RNF212B: variants seen among roughly 807,000 people sequenced by gnomAD.
RNF212B encodes the protein E3 ubiquitin-protein ligase RNF212B.
In RNF212B, 52 loss-of-function variants were observed where a neutral mutation model predicts 55.5. The observed-to-expected ratio is 0.94, with a 90% CI of 0.75 to 1.18. The LOEUF is 1.18. Among genes scored for constraint, RNF212B ranks in the 50% most tolerant of loss-of-function variants. The probability of loss-of-function intolerance (pLI) is 0.00; values close to 1 mark genes in which losing one functional copy is unlikely to be tolerated. For synonymous variants in RNF212B, 99 were observed against 121.4 expected (o/e 0.82, Z 1.21); for missense variants, 289 against 350.4 (o/e 0.82, Z 1.40).
At chr14:23,207,978 T>A (rs1880012887) in intron 2 of RNF212B, among the ~76,000 whole-genome samples, 1 of 152,204 alleles carries the variant, frequency 6.6e-6, no homozygotes. Context: ...TTCTTTTGAG[T>A]TTCTGTTAGC....
At chr14:23,236,847 G>A (rs1013558002), upstream of RNF212B, among the ~76,000 whole-genome samples, 4 of 151,316 alleles carry the variant, frequency 2.6e-5, no homozygotes, top group Non-Finnish European at 5.9e-5. Flanking sequence ...CACAATATAA[G>A]GGGATATAAA....
intron 1 of RNF212B, 42 bp from the exon 2 acceptor site, chr14:23,240,303 A>T (rs761857335): frequency 1.3e-4 from 166 of 1,310,846 alleles, no homozygotes; most frequent in Non-Finnish European, 1.5e-4. Context: ...TAATTATGTT[A>T]TTCTCTAGGT....
chr14:23,257,720 T>C (rs1054906698), intron 4 of RNF212B, among the ~76,000 whole-genome samples: 1 of 152,128 alleles, frequency 6.6e-6, no homozygotes, highest in African/African-American at 2.4e-5. Flanking sequence ...TAGCAAATGG[T>C]AAAGTGAGGC....
rs192481286 is a variant in RNF212B at position 23,256,485 on chromosome 14, C to T, written c.229-2064C>T. 7.1e-3 allele frequency among the ~76,000 whole-genome samples: 1,085 copies of T among 152,044 alleles called. 17 individuals carry two copies. Among genetic ancestry groups the T allele is most frequent in the African/African-American group, 0.025 (1,036 of 41,448 alleles). On this transcript the variant is annotated intron_variant, in intron 4 of 14. Transcript: ENST00000430154. ...CTTCTGGGTTCAAGTGATTCTCCTG[C>T]CTCAGCCTCTCCATTAGCTGGAATT... is the stretch of plus-strand genomic sequence containing the variant.
chr14:23,226,369 G>A lies in RNF212B; in HGVS notation c.-1-13976G>A, dbSNP rs536437490. Among the ~76,000 whole-genome samples the A allele has an allele frequency of 7.9e-5, 12 of 151,590 alleles. No homozygotes were observed. The South Asian group carries it at 2.3e-3, about 29-fold the overall frequency. On this transcript the variant is annotated intron_variant, in intron 2 of 15. Coordinates refer to the RNF212B transcript ENST00000399910. ...CACGGGGCCGGGCGCGGTGGCTCAC[G>A]CCTGTAATCCCAGCACTTTAGGAAG...
rs142028519 is a variant in RNF212B, at chr14:23,210,065, T to G, written c.-2+16664T>G. On this transcript the variant is annotated intron_variant, in intron 2 of 15. Transcript: ENST00000399910. ...ACTGGGGAGGCTGAGGCAGGAAAAT[T>G]GCTTGAACCTGGAAGGTGGAGGTTG... Among the ~76,000 whole-genome samples, 1,486 of 152,200 alleles carry G rather than the reference T, an allele frequency of 9.8e-3. 29 individuals are homozygous for G. The highest frequency in any genetic ancestry group is 0.034 in the African/African-American group (1,411 of 41,518).
intron 14 of RNF212B, chr14:23,272,577 G>C: frequency 2.0e-6 from 1 of 504,118 alleles, no homozygotes; most frequent in Non-Finnish European, 3.5e-6. Flanking sequence ...TTCCAAAATA[G>C]TTTAATTTTC....
intron 7 of RNF212B, among the ~76,000 whole-genome samples, chr14:23,261,983 A>C (rs1246779504): frequency 6.6e-6 from 1 of 151,534 alleles, no homozygotes; most frequent in South Asian, 2.1e-4. Context: ...AAACAAAAAA[A>C]CAGAAAACAA....
rs986457643 is a variant in RNF212B at position 23,268,937 on chromosome 14, G to A, written c.648G>A (p.Pro216=). The part of the protein sequence containing the change: ...PRDSYNETPS[P]ASTHSLSYRT... Reference sequence around the variant, plus strand: ...TATGCTTTCCAGAAACCCCTTCACCGGCTTCAACTCATAGCCTATCTTATA... The same window carrying A: ...TATGCTTTCCAGAAACCCCTTCACCAGCTTCAACTCATAGCCTATCTTATA... The change falls in exon 12 of 15, where the codon CCG becomes CCA. Residue 216 remains proline, a synonymous_variant. Transcript: ENST00000430154. 1.3e-5 allele frequency: 20 copies of A among 1,550,378 alleles called. No homozygotes were observed. The African/African-American group carries it at 1.9e-4, about 15-fold the overall frequency.
In RNF212B at chr14:23,272,918, TG is replaced by T; in HGVS notation, c.*28del. 7.3e-7 allele frequency: 1 copy of T among 1,378,892 alleles called. No individual in the cohort carries two copies. Among genetic ancestry groups the T allele is most frequent in the Non-Finnish European group, 9.9e-7 (1 of 1,005,102 alleles). 85.4% of individuals were successfully genotyped at this position (1,378,892 alleles called of 1,614,324 possible). A position where few individuals can be genotyped will look rare whatever the true frequency, so the allele number is the denominator to read the frequency against. On this transcript the variant is annotated 3_prime_UTR_variant, in exon 15 of 15. Coordinates refer to ENST00000430154, the MANE Select transcript of RNF212B (RefSeq NM_001282322.3). ...TCATCTTCAAGATCTGATCTATACA[TG>T]CTGCTGAAGGATGGACTGTAGCTTC...
At chr14:23,209,240 T>C (rs1238281799) in intron 2 of RNF212B, among the ~76,000 whole-genome samples, 1 of 152,186 alleles carries the variant, frequency 6.6e-6, no homozygotes, top group Non-Finnish European at 1.5e-5. Flanking sequence ...GTAGCCATTT[T>C]GGTTTTGGTG....
intron 2 of RNF212B, among the ~76,000 whole-genome samples, chr14:23,211,208 ACT>A (rs1295555501): frequency 7.6e-6 from 1 of 131,022 alleles, no homozygotes; most frequent in African/African-American, 2.9e-5. Context: ...ACAGAGTGAG[ACT>A]CTGTCTCAAA....
intron 2 of RNF212B, among the ~76,000 whole-genome samples, chr14:23,198,726 G>A (rs190236231): frequency 6.6e-6 from 1 of 152,042 alleles, no homozygotes; most frequent in East Asian, 1.9e-4. Context: ...TAGCTGGTAA[G>A]TCTGTTTCTC....
chr14:23,270,170 C>T (rs897393189), intron 13 of RNF212B, among the ~76,000 whole-genome samples: 3 of 152,168 alleles, frequency 2.0e-5, no homozygotes, highest in Non-Finnish European at 4.4e-5. Context: ...ATCCTGTCAC[C>T]AGTCGAGTCC....
chr14:23,239,014 G>A (rs1020345503), intron 1 of RNF212B, among the ~76,000 whole-genome samples: 16 of 152,010 alleles, frequency 1.1e-4, no homozygotes, highest in Non-Finnish European at 2.2e-4. Flanking sequence ...AAAATGTTGG[G>A]ACTGAACAAA....
upstream of RNF212B, among the ~76,000 whole-genome samples, chr14:23,237,889 C>A (rs1456260832): frequency 5.9e-5 from 9 of 152,116 alleles, no homozygotes; most frequent in Non-Finnish European, 1.2e-4. Context: ...TTTAGCATAC[C>A]GCCAGGCCCC....
At chr14:23,228,012 CCT>C (rs1458565658) in intron 2 of RNF212B, among the ~76,000 whole-genome samples, 2 of 152,050 alleles carry the variant, frequency 1.3e-5, no homozygotes, top group Non-Finnish European at 2.9e-5. Context: ...AGGTGGATCA[CCT>C]GAGGTCGGGA....
chr14:23,223,449 G>A (rs113949295), intron 2 of RNF212B, among the ~76,000 whole-genome samples: 142 of 152,008 alleles, frequency 9.3e-4, no homozygotes, highest in African/African-American at 2.2e-3. Context: ...TCCGCCTCAC[G>A]GGTTCACGCC....
At chr14:23,234,117 A>C (rs1368269717), upstream of RNF212B, among the ~76,000 whole-genome samples, 1 of 152,126 alleles carries the variant, frequency 6.6e-6, no homozygotes, top group Non-Finnish European at 1.5e-5. Context: ...AAAAGCCCAG[A>C]ACACTCAAAA....
Sources: allele counts gnomAD v4.1 joint callset (sites outside exome capture counted in the v4.1 genomes callset), GRCh38; gene constraint gnomAD v4.1.1; transcripts MANE v1.5; gene names NCBI Gene and HGNC (gene_info 2026-07-23, HGNC 2026-07-21).